The following ATG2B variants were observed in gnomAD, a reference collection of about 807,000 sequenced individuals.
ATG2B encodes autophagy-related protein 2 homolog B.
ATG2B carries 121 observed loss-of-function variants against 241.3 expected under a neutral mutation model. The ratio of observed to expected loss-of-function variants is 0.50; its 90% confidence interval spans 0.43 to 0.58. ATG2B has a LOEUF of 0.58. Ranked by LOEUF, ATG2B falls within the 20% of genes least tolerant of loss-of-function variation. ATG2B has a pLI of 0.00. For missense variants in ATG2B, 2,306 were observed against 2,491.6 expected (o/e 0.93, Z 1.59); for synonymous variants, 858 against 876.6 (o/e 0.98, Z 0.37).
In ATG2B at chr14:96,342,246, CCCAAAATCCAAAATGCT is replaced by C. The variant is rs559422449; in HGVS notation, c.745-562_745-546del. 3.8e-3 allele frequency among the ~76,000 whole-genome samples: 583 copies of C among 151,650 alleles called. 4 individuals carry two copies. Among genetic ancestry groups the C allele is most frequent in the African/African-American group, 0.013 (538 of 41,366 alleles). ...AGGCTAAACATCTCTAAACCAAAAA[CCCAAAATCCAAAATGCT>C]CCAAAATCCAAAACTTTTTTGAGTG... On this transcript the variant is annotated intron_variant, in intron 5 of 41. Coordinates refer to ENST00000359933, the MANE Select transcript of ATG2B (RefSeq NM_018036.7).
At chr14:96,325,969 A>G in intron 14 of ATG2B, 47 bp from the exon 15 acceptor site, 1 of 1,564,246 alleles carries the variant, frequency 6.4e-7, no homozygotes, top group Non-Finnish European at 8.7e-7. Flanking sequence ...AAAGTAAATG[A>G]ACATAAATTA....
chr14:96,351,917 A>G lies in ATG2B; in HGVS notation c.163-4576T>C, dbSNP rs4381517. ...ACCTTGTCTCAAAAAAAAAAAAAAGAAAAAAAAATTTTTATGCTTATCAAA... is the reference window on the plus strand; with the variant it reads ...ACCTTGTCTCAAAAAAAAAAAAAAGGAAAAAAAATTTTTATGCTTATCAAA... On this transcript the variant is annotated intron_variant, in intron 1 of 41. Transcript: ENST00000359933. 2.1e-4 allele frequency among the ~76,000 whole-genome samples: 31 copies of G among 148,238 alleles called. 1 individual carries two copies. Among genetic ancestry groups the G allele is most frequent in the Non-Finnish European group, 2.9e-4 (19 of 66,648 alleles).
Position 96,341,560 on chromosome 14 carries a change from G to T in ATG2B, c.886C>A (p.Leu296Ile), listed in dbSNP as rs772238901. The change falls in exon 6 of 42, where the codon CTC becomes ATC. Residue 296 changes from leucine to isoleucine, a missense_variant. Around this residue, in one of 2 missense-constraint regions of ATG2B, gnomAD observed 1,927 missense variants for 2,011.2 expected, o/e 0.96. Coordinates refer to ENST00000359933, the MANE Select transcript of ATG2B (RefSeq NM_018036.7). ...AGCACTTCATTCTGTTTCAACGTGAGACTCAACTCCAACCTACCAATTAAC... is the reference window on the plus strand; with the variant it reads ...AGCACTTCATTCTGTTTCAACGTGATACTCAACTCCAACCTACCAATTAAC... ...GRLIGRLELS[L>I]TLKQNEVLPG... The T allele has an allele frequency of 6.2e-6, 10 of 1,601,664 alleles. No individual in the cohort carries two copies. In the Admixed American group the frequency reaches 1.7e-4, roughly 27 times the overall value.
intron 17 of ATG2B, 68 bp from the exon 18 acceptor site, chr14:96,322,322 G>A (rs1399740736): frequency 9.2e-6 from 14 of 1,522,348 alleles, no homozygotes; most frequent in Non-Finnish European, 1.2e-5. Flanking sequence ...CATCTTCTTA[G>A]CCTATCCATA....
At chr14:96,319,080 G>C (rs1306026924) in intron 18 of ATG2B, among the ~76,000 whole-genome samples, 1 of 152,202 alleles carries the variant, frequency 6.6e-6, no homozygotes, top group Non-Finnish European at 1.5e-5. Context: ...ACCGGTCAAG[G>C]CGCCGCGTGG....
rs181133000 is a variant in ATG2B at position 96,338,931 on chromosome 14, C to T, written c.924+2591G>A. ...GAATCTACAAGGAGTTCAAACAAAT[C>T]GGCAAGAAAAAAATAATCCCATCAG... On this transcript the variant is annotated intron_variant, in intron 6 of 41. Coordinates refer to ENST00000359933, the MANE Select transcript of ATG2B (RefSeq NM_018036.7). 1.8e-3 allele frequency among the ~76,000 whole-genome samples: 278 copies of T among 151,954 alleles called. 1 individual carries two copies. The highest frequency in any genetic ancestry group is 5.5e-3 in the African/African-American group (230 of 41,472).
intron 33 of ATG2B, 90 bp from the exon 34 acceptor site, chr14:96,302,198 A>G: frequency 1.3e-6 from 1 of 775,196 alleles, no homozygotes; most frequent in East Asian, 2.7e-5. Context: ...AAAAATTCCT[A>G]TTCCTATACC....
In ATG2B at chr14:96,315,577, A is replaced by G; in HGVS notation, c.3368T>C (p.Val1123Ala). 6.2e-7 allele frequency: 1 copy of G among 1,612,790 alleles called. No homozygotes were observed. The highest frequency in any genetic ancestry group is 8.5e-7 in the Non-Finnish European group (1 of 1,178,824). The stretch of plus-strand genomic sequence containing the variant: ...TTCTGTCGGGAGAATCACTCCATTC[A>G]CTATGCCTAGAGATCCACATTGAGG... ...SSFSLYHKGI[V>A]NGVILPTETR... is the part of the protein sequence containing the mutation. Residue 1123 changes from valine (V) to alanine (A), a missense_variant, in exon 22 of 42, where the codon GTG (valine) becomes GCG (alanine). Val to Ala is a moderately conservative substitution (Grantham distance 64). This residue lies in a region of ATG2B where 1,927 missense variants were observed against 2,011.2 expected (regional missense o/e 0.96). Transcript: ENST00000359933.
chr14:96,311,651 G>A (rs1887160577), intron 26 of ATG2B, 33 bp from the exon 27 acceptor site: 1 of 1,440,774 alleles, frequency 6.9e-7, no homozygotes, highest in Non-Finnish European at 9.7e-7. Flanking sequence ...AATCTCTTCA[G>A]TACAGCTTTC....
intron 18 of ATG2B, among the ~76,000 whole-genome samples, chr14:96,320,172 T>C (rs1277301313): frequency 6.6e-6 from 1 of 152,188 alleles, no homozygotes; most frequent in Non-Finnish European, 1.5e-5. Flanking sequence ...AAGCCCCCAA[T>C]ATGCTAACTG....
rs774092773 is a variant in ATG2B, at chr14:96,341,575, T to G, written c.871A>C (p.Arg291=). The change falls in exon 6 of 42, where the codon AGG becomes CGG. Residue 291 remains arginine (R), a synonymous_variant. Transcript: ENST00000359933. The part of the protein sequence containing the change: ...DPVQIGRLIG[R]LELSLTLKQN... ...TTCAACGTGAGACTCAACTCCAACC[T>G]ACCAATTAACCGTCCAATCTGCACT... The G allele has an allele frequency of 6.2e-7, 1 of 1,604,214 alleles. No homozygotes were observed. Among genetic ancestry groups the G allele is most frequent in the Non-Finnish European group, 8.5e-7 (1 of 1,174,148 alleles).
chr14:96,341,398 C>A, intron 6 of ATG2B, 124 bp downstream of exon 6: 1 of 669,156 alleles, frequency 1.5e-6, no homozygotes. Flanking sequence ...AATGCTAACT[C>A]GGTGACAGCA....
At position 96,294,898 on chromosome 14, in the gene ATG2B, T is replaced by A. The variant is rs1012166737; in HGVS notation, c.5426+62A>T. 8.2e-6 allele frequency: 12 copies of A among 1,471,976 alleles called. No individual in the cohort carries two copies. In the East Asian group the frequency reaches 2.3e-4, roughly 28 times the overall value. 91.2% of individuals were successfully genotyped at this position (1,471,976 alleles called of 1,614,324 possible). ...CCTCATGATTACCAGCACACATACATCACAGAACAATCTTCAAAAGTCTAA... is the reference window on the plus strand; with the variant it reads ...CCTCATGATTACCAGCACACATACAACACAGAACAATCTTCAAAAGTCTAA... On this transcript the variant is annotated intron_variant, in intron 36 of 41. Coordinates refer to ENST00000359933, the MANE Select transcript of ATG2B (RefSeq NM_018036.7).
chr14:96,294,277 C>T (rs906335462), intron 36 of ATG2B, among the ~76,000 whole-genome samples: 2 of 152,202 alleles, frequency 1.3e-5, no homozygotes, highest in African/African-American at 4.8e-5. Flanking sequence ...AACTGCTCCT[C>T]ATAACAAGGG....
At position 96,346,937 on chromosome 14, in the gene ATG2B, C is replaced by T. The variant is rs1256712898; in HGVS notation, c.325+242G>A. ...AAAACCCAAGTCTCATTTTAGATAA[C>T]TGATAACAAATAATTAAATAAACCA... On this transcript the variant is annotated intron_variant, in intron 2 of 41. Coordinates refer to ENST00000359933, the MANE Select transcript of ATG2B (RefSeq NM_018036.7). 2.0e-5 allele frequency among the ~76,000 whole-genome samples: 3 copies of T among 152,248 alleles called. No individual in the cohort carries two copies. The East Asian group carries it at 5.8e-4, about 29-fold the overall frequency.
intron 1 of ATG2B, among the ~76,000 whole-genome samples, chr14:96,353,541 G>A (rs1040399629): frequency 2.6e-5 from 4 of 151,874 alleles, no homozygotes; most frequent in Admixed American, 6.6e-5. Flanking sequence ...TACGAGAATC[G>A]CTGGAACCTG....
intron 41 of ATG2B, among the ~76,000 whole-genome samples, chr14:96,287,437 C>T (rs151312749): frequency 1.4e-4 from 22 of 152,194 alleles, no homozygotes; most frequent in Admixed American, 2.6e-4. Flanking sequence ...ATCCCACCTG[C>T]GATAAACAGG....
intron 1 of ATG2B, among the ~76,000 whole-genome samples, chr14:96,358,915 C>G (rs1174678468): frequency 6.6e-6 from 1 of 152,172 alleles, no homozygotes; most frequent in Non-Finnish European, 1.5e-5. Flanking sequence ...CAATTATCAT[C>G]AATGAGTTTC....
intron 15 of ATG2B, 42 bp from the exon 16 acceptor site, chr14:96,324,040 A>G (rs1478082031): frequency 2.2e-6 from 3 of 1,336,400 alleles, no homozygotes; most frequent in East Asian, 4.7e-5. Flanking sequence ...CTTCTTCTCA[A>G]GTACTAAAAG....
Sources: allele counts gnomAD v4.1 joint callset (sites outside exome capture counted in the v4.1 genomes callset), GRCh38; gene constraint gnomAD v4.1.1; regional missense constraint gnomAD v4.1.1; transcripts MANE v1.5; gene names NCBI Gene and HGNC (gene_info 2026-07-23, HGNC 2026-07-21).